KCNQ5: variants seen among roughly 807,000 people sequenced by gnomAD.
The protein encoded by KCNQ5 is potassium voltage-gated channel subfamily KQT member 5.
KCNQ5 carries 30 observed loss-of-function variants against 98.2 expected under a neutral mutation model. That is an observed-to-expected ratio of 0.31 (90% CI 0.23 to 0.41). The LOEUF (loss-of-function observed/expected upper bound fraction) is 0.41, where lower values mean the gene tolerates loss of function less well. Among genes scored for constraint, KCNQ5 ranks in the 10% least tolerant of loss-of-function variants. The pLI, the probability that KCNQ5 is intolerant of heterozygous loss-of-function variation, is 1.00. For synonymous variants in KCNQ5, 458 were observed against 449.4 expected (o/e 1.02, Z -0.24); for missense variants, 835 against 1,182.5 (o/e 0.71, Z 4.31).
intron 5 of KCNQ5, among the ~76,000 whole-genome samples, chr6:73,090,076 A>G (rs2150403741): frequency 6.6e-6 from 1 of 150,730 alleles, no homozygotes; most frequent in East Asian, 2.0e-4. Flanking sequence ...AACATCTACT[A>G]TTTTTCCACT....
At chr6:73,028,557 C>T (rs989451279) in intron 2 of KCNQ5, among the ~76,000 whole-genome samples, 1 of 152,160 alleles carries the variant, frequency 6.6e-6, no homozygotes, top group Non-Finnish European at 1.5e-5. Flanking sequence ...CTAGATTTTA[C>T]AAAAGGTCAA....
chr6:72,661,766 A>G (rs1766537685), intron 1 of KCNQ5, among the ~76,000 whole-genome samples: 1 of 152,222 alleles, frequency 6.6e-6, no homozygotes, highest in East Asian at 1.9e-4. Flanking sequence ...TAATCTCCCT[A>G]TGCTTGTTCT....
chr6:72,903,676 C>T (rs1015746608), intron 1 of KCNQ5, among the ~76,000 whole-genome samples: 9 of 152,102 alleles, frequency 5.9e-5, no homozygotes, highest in Non-Finnish European at 8.8e-5. Context: ...CAGTTTTATT[C>T]CACTGTGGTC....
intron 1 of KCNQ5, among the ~76,000 whole-genome samples, chr6:72,882,018 T>G (rs866086004): frequency 5.3e-5 from 8 of 152,286 alleles, no homozygotes; most frequent in Middle Eastern, 3.4e-3. Flanking sequence ...TGAGACTGTT[T>G]TCAGTGGTGA....
chr6:72,821,977 T>G (rs1013862643), intron 1 of KCNQ5, among the ~76,000 whole-genome samples: 4 of 152,158 alleles, frequency 2.6e-5, no homozygotes, highest in African/African-American at 9.7e-5. Flanking sequence ...CGGCCCTATC[T>G]TATCCTTCGT....
chr6:73,061,663 G>A lies in KCNQ5; in HGVS notation c.617-15659G>A, dbSNP rs531063451. Among the ~76,000 whole-genome samples the A allele has an allele frequency of 1.1e-4, 16 of 152,218 alleles. 1 individual carries two copies. In the South Asian group the frequency reaches 3.3e-3, roughly 32 times the overall value. Reference sequence around the variant, plus strand: ...CTCACGAAAAACTCTGTTCTAAAAGGTGCTTTATTATTTGCCTTAATTTGC... The same window carrying A: ...CTCACGAAAAACTCTGTTCTAAAAGATGCTTTATTATTTGCCTTAATTTGC... On this transcript the variant is annotated intron_variant, in intron 3 of 13. Transcript: ENST00000370398.
At chr6:72,704,302 C>T (rs1372500228) in intron 1 of KCNQ5, among the ~76,000 whole-genome samples, 1 of 151,918 alleles carries the variant, frequency 6.6e-6, no homozygotes, top group Non-Finnish European at 1.5e-5. Flanking sequence ...TTTCTAAAAC[C>T]TCCAAAAGCA....
chr6:72,999,268 G>A (rs915804035), intron 1 of KCNQ5, among the ~76,000 whole-genome samples: 2 of 152,128 alleles, frequency 1.3e-5, no homozygotes, highest in Admixed American at 6.5e-5. Context: ...TAGTTTTCTT[G>A]AGTAAACATA....
intron 5 of KCNQ5, among the ~76,000 whole-genome samples, chr6:73,104,502 T>C (rs1479614341): frequency 1.3e-5 from 2 of 152,180 alleles, no homozygotes; most frequent in African/African-American, 4.8e-5. Context: ...GAACAACTCA[T>C]ACTTTTCAGA....
rs774521029 is a variant in KCNQ5, at chr6:73,192,612, G to C, written c.1757G>C (p.Ser586Thr). The part of the protein sequence containing the change: ...GKGQITSDKK[S>T]REKITAEHET... Reference sequence around the variant, plus strand: ...GGGCAAATCACATCAGATAAGAAGAGCCGAGAGAAAATAACAGCAGAACAT... The same window carrying C: ...GGGCAAATCACATCAGATAAGAAGACCCGAGAGAAAATAACAGCAGAACAT... The change falls in exon 13 of 14, where the codon AGC becomes ACC. Residue 586 changes from serine to threonine, a missense_variant. Coordinates refer to ENST00000370398, the MANE Select transcript of KCNQ5 (RefSeq NM_019842.4). 6.2e-7 allele frequency: 1 copy of C among 1,612,018 alleles called. No individual in the cohort carries two copies. The highest frequency in any genetic ancestry group is 8.5e-7 in the Non-Finnish European group (1 of 1,179,094).
chr6:73,079,522 C>T (rs2150393560), intron 5 of KCNQ5, among the ~76,000 whole-genome samples: 1 of 152,190 alleles, frequency 6.6e-6, no homozygotes, highest in South Asian at 2.1e-4. Flanking sequence ...CTGTATTTAG[C>T]AGAACTTGTT....
intron 1 of KCNQ5, among the ~76,000 whole-genome samples, chr6:72,905,729 T>G (rs1004172198): frequency 6.6e-6 from 1 of 152,180 alleles, no homozygotes; most frequent in Non-Finnish European, 1.5e-5. Flanking sequence ...GTTGTCTGCA[T>G]GGAGTTCTAT....
intron 1 of KCNQ5, among the ~76,000 whole-genome samples, chr6:72,750,099 T>C (rs946572973): frequency 4.6e-5 from 7 of 152,066 alleles, no homozygotes; most frequent in African/African-American, 1.7e-4. Context: ...AAAATGTAAT[T>C]TTTTTATGTA....
At chr6:73,155,924 G>C (rs1004660018) in intron 10 of KCNQ5, among the ~76,000 whole-genome samples, 4 of 152,144 alleles carry the variant, frequency 2.6e-5, no homozygotes, top group African/African-American at 9.7e-5. Context: ...ATGCCTTGAG[G>C]ACCTAGTTTG....
intron 2 of KCNQ5, among the ~76,000 whole-genome samples, chr6:73,009,423 A>G (rs977974324): frequency 6.6e-6 from 1 of 152,202 alleles, no homozygotes; most frequent in Non-Finnish European, 1.5e-5. Context: ...ATAGCTATAA[A>G]TGCTTACATT....
intron 1 of KCNQ5, among the ~76,000 whole-genome samples, chr6:72,829,900 A>G (rs574430717): frequency 1.5e-4 from 23 of 152,322 alleles, no homozygotes; most frequent in African/African-American, 5.3e-4. Flanking sequence ...GAGGGGCCTT[A>G]GATTTCTGTA....
chr6:73,141,490 C>G (rs1170420317), intron 10 of KCNQ5, among the ~76,000 whole-genome samples: 2 of 152,198 alleles, frequency 1.3e-5, no homozygotes, highest in African/African-American at 4.8e-5. Context: ...TCCAAGTGCT[C>G]TTTGTATTAT....
intron 1 of KCNQ5, among the ~76,000 whole-genome samples, chr6:72,651,729 AATG>A (rs1765885163): frequency 6.6e-6 from 1 of 152,022 alleles, no homozygotes; most frequent in South Asian, 2.1e-4. Context: ...AACTCCTTAA[AATG>A]ATATTACATA....
intron 1 of KCNQ5, among the ~76,000 whole-genome samples, chr6:72,844,913 T>C (rs2150136712): frequency 6.6e-6 from 1 of 152,308 alleles, no homozygotes; most frequent in Middle Eastern, 3.4e-3. Context: ...CATGCAGCTT[T>C]GAGTAAGCAG....
Sources: allele counts gnomAD v4.1 joint callset (sites outside exome capture counted in the v4.1 genomes callset), GRCh38; gene constraint gnomAD v4.1.1; transcripts MANE v1.5; gene names NCBI Gene and HGNC (gene_info 2026-07-23, HGNC 2026-07-21).